The following HARS1 variants were observed in gnomAD, a reference collection of about 807,000 sequenced individuals.
The protein encoded by HARS1 is histidine--tRNA ligase, cytoplasmic.
A neutral mutation model predicts 63.6 loss-of-function variants in HARS1; 45 were observed. The ratio of observed to expected loss-of-function variants is 0.71; its 90% CI spans 0.56 to 0.91. The LOEUF (loss-of-function observed/expected upper bound fraction) is 0.91. Among genes scored for constraint, HARS1 ranks in the 40% least tolerant of loss-of-function variants. The probability of loss-of-function intolerance (pLI) is 0.00; values close to 1 mark genes in which losing one functional copy is unlikely to be tolerated. For synonymous variants in HARS1, 205 were observed against 247.1 expected (o/e 0.83, Z 1.60); for missense variants, 508 against 643.2 (o/e 0.79, Z 2.27).
chr5:140,681,998 A>G (rs1328438752), intron 3 of HARS1, among the ~76,000 whole-genome samples: 1 of 152,226 alleles, frequency 6.6e-6, no homozygotes, highest in Non-Finnish European at 1.5e-5. Context: ...AAACTAGCTC[A>G]TTGTGATAAG....
intron 3 of HARS1, among the ~76,000 whole-genome samples, chr5:140,680,667 A>G (rs1297335716): frequency 6.6e-6 from 1 of 150,970 alleles, no homozygotes; most frequent in Admixed American, 6.6e-5. Context: ...AACATGGTGA[A>G]ACCCTGTCTC....
intron 8 of HARS1, 67 bp downstream of exon 8, chr5:140,677,260 A>G: frequency 7.1e-7 from 1 of 1,410,430 alleles, no homozygotes; most frequent in Non-Finnish European, 1.0e-6. Context: ...CATAACACAG[A>G]ACAGTTTCAA....
At chr5:140,674,413 C>A in intron 12 of HARS1, 85 bp from the exon 13 acceptor site, 2 of 1,006,270 alleles carry the variant, frequency 2.0e-6, no homozygotes, top group Non-Finnish European at 3.2e-6. Flanking sequence ...GCCCTCTAGG[C>A]ATCAGGCTTG....
chr5:140,679,782 A>C lies in HARS1; in HGVS notation c.396+6T>G. 6.6e-7 allele frequency: 1 copy of C among 1,524,488 alleles called. No homozygotes were observed. The highest frequency in any genetic ancestry group is 9.1e-7 in the Non-Finnish European group (1 of 1,103,022). 94.4% of individuals were successfully genotyped at this position (1,524,488 alleles called of 1,614,324 possible). On this transcript the variant is annotated splice_donor_region_variant and intron_variant, in intron 4 of 12. Coordinates refer to ENST00000504156, the MANE Select transcript of HARS1 (RefSeq NM_002109.6). The surrounding 1 kb of genome is among the most constrained non-coding windows in gnomAD (Gnocchi z 4.3). The stretch of plus-strand genomic sequence containing the variant: ...AAGTCTCAAGAGCCCAAGTTTAGAA[A>C]GATACAGTGAGGTCATAGCGAAGGG...
chr5:140,682,308 G>C (rs1216888145), intron 3 of HARS1, among the ~76,000 whole-genome samples: 1 of 152,110 alleles, frequency 6.6e-6, no homozygotes, highest in Non-Finnish European at 1.5e-5. Flanking sequence ...AGGAAAGGGA[G>C]TTCAGGAAAG....
chr5:140,676,577 C>T lies in HARS1; in HGVS notation c.1194+77G>A, dbSNP rs1758372072. ...ATGCTCCCTGCCCAAAGCAGCACCACTTGCTCCCTTGGAGATCAGATAGCT... is the reference window on the plus strand; with the variant it reads ...ATGCTCCCTGCCCAAAGCAGCACCATTTGCTCCCTTGGAGATCAGATAGCT... On this transcript the variant is annotated intron_variant, in intron 10 of 12. Transcript: ENST00000504156. This position sits in a 1 kb window ranked among gnomAD's most constrained non-coding sequence, Gnocchi z 4.1. The T allele has an allele frequency of 7.4e-6, 11 of 1,477,972 alleles. 1 individual carries two copies. In the South Asian group the frequency reaches 1.3e-4, roughly 18 times the overall value. 91.6% of individuals were successfully genotyped at this position (1,477,972 alleles called of 1,614,324 possible). A position where few individuals can be genotyped will look rare whatever the true frequency, so the allele number is the denominator to read the frequency against.
At position 140,679,985 on chromosome 5, in the gene HARS1, C is replaced by T; in HGVS notation, c.301-102G>A. 1 of 614,160 alleles carries T rather than the reference C, an allele frequency of 1.6e-6. No homozygotes were observed. Among genetic ancestry groups the T allele is most frequent in the Admixed American group, 2.8e-5 (1 of 35,560 alleles). 38.0% of individuals were successfully genotyped at this position (614,160 alleles called of 1,614,324 possible). On this transcript the variant is annotated intron_variant, in intron 3 of 12. Transcript: ENST00000504156. The surrounding 1 kb of genome is among the most constrained non-coding windows in gnomAD (Gnocchi z 4.3). ...CTGATTCCAACTTGTCTACATTTCC[C>T]TCTGCTCTTTATCCCAATTCTTAGG...
At position 140,679,310 on chromosome 5, in the gene HARS1, C is replaced by T. The variant is rs1192060417; in HGVS notation, c.397-183G>A. Reference sequence around the variant, plus strand: ...CTACCACATGAGGTAGCTGAAGGCTCAAAAAAGATTAAGGCACCTTTCCCT... The same window carrying T: ...CTACCACATGAGGTAGCTGAAGGCTTAAAAAAGATTAAGGCACCTTTCCCT... On this transcript the variant is annotated intron_variant, in intron 4 of 12. Coordinates refer to ENST00000504156, the MANE Select transcript of HARS1 (RefSeq NM_002109.6). The surrounding 1 kb of genome is among the most constrained non-coding windows in gnomAD (Gnocchi z 4.3). 3.5e-6 allele frequency: 2 copies of T among 570,094 alleles called. No individual in the cohort carries two copies. The highest frequency in any genetic ancestry group is 6.1e-6 in the Non-Finnish European group (2 of 326,574). 35.3% of individuals were successfully genotyped at this position (570,094 alleles called of 1,614,324 possible). A position where few individuals can be genotyped will look rare whatever the true frequency, so the allele number is the denominator to read the frequency against.
In HARS1 at chr5:140,674,043, C is replaced by T. The variant is rs1758194853; in HGVS notation, c.*214G>A. ...CAGGAGCACAGACTGGACTAAGCCT[C>T]CTGGGCCTTGTATGAAAAAGGTGTT... On this transcript the variant is annotated 3_prime_UTR_variant, in exon 13 of 13. Coordinates refer to ENST00000504156, the MANE Select transcript of HARS1 (RefSeq NM_002109.6). The T allele has an allele frequency of 3.2e-6, 2 of 634,380 alleles. No homozygotes were observed. Among genetic ancestry groups the T allele is most frequent in the Non-Finnish European group, 5.7e-6 (2 of 351,312 alleles). The allele number at this position is 634,380 out of a possible 1,614,324, so 39.3% of individuals were successfully genotyped here.
chr5:140,676,922 G>C lies in HARS1; in HGVS notation c.952-26C>G. ...CTGTGGAGATAAGAAAATGGTCAGTGCCAGATTAAGATCAGGGACCTGAAG... is the reference window on the plus strand; with the variant it reads ...CTGTGGAGATAAGAAAATGGTCAGTCCCAGATTAAGATCAGGGACCTGAAG... On this transcript the variant is annotated intron_variant, in intron 9 of 12. Coordinates refer to ENST00000504156, the MANE Select transcript of HARS1 (RefSeq NM_002109.6). This position sits in a 1 kb window ranked among gnomAD's most constrained non-coding sequence, Gnocchi z 4.1. 1 of 1,613,554 alleles carries C rather than the reference G, an allele frequency of 6.2e-7. No homozygotes were observed. Among genetic ancestry groups the C allele is most frequent in the East Asian group, 2.2e-5 (1 of 44,874 alleles).
At chr5:140,682,843 A>G in intron 3 of HARS1, 1 of 388,338 alleles carries the variant, frequency 2.6e-6, no homozygotes, top group South Asian at 6.8e-5. Flanking sequence ...GCCACGCAAT[A>G]CAATGTAGAG....
intron 2 of HARS1, among the ~76,000 whole-genome samples, chr5:140,689,562 G>A (rs1759244998): frequency 1.3e-5 from 2 of 152,158 alleles, no homozygotes; most frequent in Non-Finnish European, 2.9e-5. Context: ...GCCTCCCAAA[G>A]TGCTGGGATT....
rs1562011391 is a variant in HARS1 at position 140,679,166 on chromosome 5, C to CT, written c.397-40dup. 1.2e-6 allele frequency: 2 copies of CT among 1,609,588 alleles called. No individual in the cohort carries two copies. Among genetic ancestry groups the CT allele is most frequent in the East Asian group, 4.5e-5 (2 of 44,822 alleles). On this transcript the variant is annotated intron_variant, in intron 4 of 12. Coordinates refer to ENST00000504156, the MANE Select transcript of HARS1 (RefSeq NM_002109.6). This position sits in a 1 kb window ranked among gnomAD's most constrained non-coding sequence, Gnocchi z 4.3. ...GTTAAGGAGAAAGCCCCTCCTATCACTGTCTGCAAGTTGATTATCATCACC... is the reference window on the plus strand; with the variant it reads ...GTTAAGGAGAAAGCCCCTCCTATCACTTGTCTGCAAGTTGATTATCATCACC...
At chr5:140,685,931 C>CTT (rs895539158) in intron 2 of HARS1, among the ~76,000 whole-genome samples, 5 of 137,860 alleles carry the variant, frequency 3.6e-5, no homozygotes, top group Admixed American at 7.3e-5. Context: ...TCAAGAAAGT[C>CTT]TTTTTTTTTT....
intron 3 of HARS1, among the ~76,000 whole-genome samples, chr5:140,680,494 C>T (rs533477402): frequency 6.6e-5 from 10 of 152,240 alleles, no homozygotes; most frequent in African/African-American, 2.4e-4. Flanking sequence ...AAGCTCTGTA[C>T]TTACTTCCTC....
intron 2 of HARS1, among the ~76,000 whole-genome samples, chr5:140,688,390 G>A (rs1316602798): frequency 6.6e-6 from 1 of 152,028 alleles, no homozygotes; most frequent in African/African-American, 2.4e-5. Flanking sequence ...GCCCTGACAT[G>A]TTTTTCTTAC....
intron 2 of HARS1, 28 bp downstream of exon 2, chr5:140,690,827 C>T (rs771692645): frequency 1.6e-6 from 2 of 1,257,294 alleles, no homozygotes; most frequent in Admixed American, 3.4e-5. Flanking sequence ...GAGACTTTCT[C>T]AGTGGCTCCC....
At chr5:140,680,367 G>A (rs1024157855) in intron 3 of HARS1, among the ~76,000 whole-genome samples, 14 of 151,558 alleles carry the variant, frequency 9.2e-5, no homozygotes, top group African/African-American at 3.2e-4. Flanking sequence ...GGATAGTCTC[G>A]ATCTCTTGAC....
intron 2 of HARS1, among the ~76,000 whole-genome samples, chr5:140,689,909 A>G (rs1469743075): frequency 6.6e-6 from 1 of 152,170 alleles, no homozygotes; most frequent in Non-Finnish European, 1.5e-5. Flanking sequence ...TCCTTAACTT[A>G]GTTCTAGCCA....
Sources: gnomAD v4.1 joint callset for allele counts (sites outside exome capture counted in the v4.1 genomes callset) on GRCh38, gnomAD v4.1.1 for gene constraint, Gnocchi (gnomAD v3.1) non-coding constraint, MANE v1.5 for transcripts, NCBI Gene and HGNC (gene_info 2026-07-23, HGNC 2026-07-21) for gene names.